Variants in SMG1 observed in about 807,000 individuals in gnomAD.
The protein encoded by SMG1 is serine/threonine-protein kinase SMG1.
A neutral mutation model predicts 419.9 loss-of-function variants in SMG1; 22 were observed. The ratio of observed to expected loss-of-function variants is 0.05; its 90% CI spans 0.04 to 0.07. The LOEUF (loss-of-function observed/expected upper bound fraction) is 0.07, where lower values mean the gene tolerates loss of function less well. SMG1 is among the 10% of genes least tolerant of loss of function. The pLI is 1.00. For missense variants in SMG1, 3,185 were observed against 4,342.0 expected, an observed-to-expected ratio of 0.73 and a Z score of 7.49; for synonymous variants, 1,538 against 1,553.5, an observed-to-expected ratio of 0.99 and a Z score of 0.23.
intron 30 of SMG1, 104 bp from the exon 31 acceptor site, chr16:18,853,971 T>A (rs2034749152): frequency 9.4e-7 from 1 of 1,058,424 alleles, no homozygotes; most frequent in Admixed American, 2.9e-5. Flanking sequence ...GACACCACCA[T>A]GTTGATGGTT....
intron 42 of SMG1, among the ~76,000 whole-genome samples, chr16:18,839,348 C>G (rs1402867628): frequency 6.6e-6 from 1 of 152,070 alleles, no homozygotes; most frequent in African/African-American, 2.4e-5. Flanking sequence ...CCTCCTGCCC[C>G]CCACCCTCAA....
Position 18,834,949 on chromosome 16 carries a change from T to C in SMG1, c.8273A>G (p.Glu2758Gly). Residue 2758 changes from glutamate to glycine, a missense_variant, in exon 49 of 63, where the codon GAA (glutamate) becomes GGA (glycine). Physicochemically the swap from Glu to Gly is moderately conservative, Grantham distance 98 (BLOSUM62 -2). Transcript: ENST00000446231. ...CIKVFLHENG[E>G]EGSLSLASVI... ...ACTTGCTAGACTCAAAGATCCTTCT[T>C]CTCCATTCTCATGAAGGAAAACTTT... 6.2e-7 allele frequency: 1 copy of C among 1,614,022 alleles called. No homozygotes were observed. The highest frequency in any genetic ancestry group is 8.5e-7 in the Non-Finnish European group (1 of 1,179,890).
At chr16:18,901,665 G>GA (rs966530724) in intron 1 of SMG1, among the ~76,000 whole-genome samples, 1 of 152,102 alleles carries the variant, frequency 6.6e-6, no homozygotes, top group Admixed American at 6.5e-5. Flanking sequence ...CTAAACTCTT[G>GA]AAATGTCATA....
intron 51 of SMG1, among the ~76,000 whole-genome samples, chr16:18,832,036 G>C (rs567960582): frequency 6.6e-6 from 1 of 152,112 alleles, no homozygotes; most frequent in Admixed American, 6.5e-5. Context: ...TAAATAACTA[G>C]GGTAGTAAAT....
chr16:18,910,096 G>A (rs563332973), intron 1 of SMG1, among the ~76,000 whole-genome samples: 52 of 150,754 alleles, frequency 3.4e-4, no homozygotes, highest in African/African-American at 1.1e-3. Flanking sequence ...AATAGTACCA[G>A]AATCTTTTTT....
At chr16:18,898,025 T>C (rs2037203895) in intron 1 of SMG1, among the ~76,000 whole-genome samples, 4 of 152,240 alleles carry the variant, frequency 2.6e-5, no homozygotes, top group African/African-American at 7.2e-5. Context: ...TATTCCTCTA[T>C]GCTTTGCCCC....
chr16:18,852,990 ACT>A (rs1405274699), intron 31 of SMG1, among the ~76,000 whole-genome samples: 2 of 152,146 alleles, frequency 1.3e-5, no homozygotes, highest in African/African-American at 2.4e-5. Context: ...GAATATCAAG[ACT>A]CTATCAAAAT....
At chr16:18,813,437 T>C (rs2031670646) in intron 60 of SMG1, among the ~76,000 whole-genome samples, 1 of 152,250 alleles carries the variant, frequency 6.6e-6, no homozygotes, top group Admixed American at 6.5e-5. Flanking sequence ...TGAGCATTTT[T>C]TCATGTGTCT....
rs975562096 is a variant in SMG1, at chr16:18,906,212, G to A, written c.93-9256C>T. Among the ~76,000 whole-genome samples the A allele has an allele frequency of 2.4e-4, 37 of 152,170 alleles. 1 individual carries two copies. The highest frequency in any genetic ancestry group is 8.4e-4 in the African/African-American group (35 of 41,504). Reference sequence around the variant, plus strand: ...AAAAAAAAAGGTACCAGCTGCGCACGGTGGTTCACGCCTGTAATCCCTGCA... The same window carrying A: ...AAAAAAAAAGGTACCAGCTGCGCACAGTGGTTCACGCCTGTAATCCCTGCA... On this transcript the variant is annotated intron_variant, in intron 1 of 62. Transcript: ENST00000446231.
chr16:18,908,598 G>C (rs1434457127), intron 1 of SMG1, among the ~76,000 whole-genome samples: 2 of 152,032 alleles, frequency 1.3e-5, no homozygotes, highest in African/African-American at 4.8e-5. Context: ...GAAATGAATG[G>C]GCCAGGTGTG....
At chr16:18,835,776 G>A (rs770827726) in intron 48 of SMG1, among the ~76,000 whole-genome samples, 157 bp downstream of exon 48, 14 of 152,272 alleles carry the variant, frequency 9.2e-5, no homozygotes, top group Non-Finnish European at 1.6e-4. Flanking sequence ...TGGTGGTGTT[G>A]TAGTCCCAGC....
At chr16:18,897,386 G>T (rs1172038509) in intron 1 of SMG1, among the ~76,000 whole-genome samples, 1 of 152,046 alleles carries the variant, frequency 6.6e-6, no homozygotes, top group African/African-American at 2.4e-5. Flanking sequence ...AGCCTTTCCT[G>T]TCATAAAAAT....
rs2030855600 is a variant in SMG1, at chr16:18,806,572, A to G, written c.*2997T>C. On this transcript the variant is annotated 3_prime_UTR_variant, in exon 63 of 63. Coordinates refer to ENST00000446231, the MANE Select transcript of SMG1 (RefSeq NM_015092.5). ...AACAGTAAAAGAGAAATAACTACAC[A>G]AGCTAAGCTCTGTAGAGAAATCAAC... 1.3e-5 allele frequency: 2 copies of G among 152,244 alleles called. No homozygotes were observed. 9.4% of individuals were successfully genotyped at this position (152,244 alleles called of 1,614,324 possible). A position where few individuals can be genotyped will look rare whatever the true frequency, so the allele number is the denominator to read the frequency against.
At position 18,805,353 on chromosome 16, in the gene SMG1, C is replaced by A. The variant is rs1263529970; in HGVS notation, c.*4216G>T. On this transcript the variant is annotated 3_prime_UTR_variant, in exon 63 of 63. Coordinates refer to ENST00000446231, the MANE Select transcript of SMG1 (RefSeq NM_015092.5). ...GAACATAGAATTCTTCTAAGTTTAC[C>A]ATCTTCAAAAATCTTCTAAATTGTA... The A allele has an allele frequency of 3.3e-5, 5 of 152,202 alleles. No homozygotes were observed. The East Asian group carries it at 7.7e-4, about 23-fold the overall frequency. The allele number at this position is 152,202 out of a possible 1,614,324, so 9.4% of individuals were successfully genotyped here. A position where few individuals can be genotyped will look rare whatever the true frequency, so the allele number is the denominator to read the frequency against.
intron 1 of SMG1, among the ~76,000 whole-genome samples, chr16:18,924,502 T>A (rs2038316200): frequency 6.6e-6 from 1 of 152,212 alleles, no homozygotes; most frequent in Admixed American, 6.5e-5. Flanking sequence ...TACCACCTAA[T>A]TTGTTAGATG....
At position 18,898,922 on chromosome 16, in the gene SMG1, C is replaced by A. The variant is rs1023423682; in HGVS notation, c.93-1966G>T. 3.3e-5 allele frequency among the ~76,000 whole-genome samples: 5 copies of A among 152,250 alleles called. No individual in the cohort carries two copies. The East Asian group carries it at 9.7e-4, about 29-fold the overall frequency. ...ACTGAAAAGTATGTGTGCCTTTGCA[C>A]AAATTACTTGATCTCCAAGCCTTGG... On this transcript the variant is annotated intron_variant, in intron 1 of 62. Transcript: ENST00000446231.
intron 1 of SMG1, among the ~76,000 whole-genome samples, chr16:18,904,538 T>C (rs2037482259): frequency 6.6e-6 from 1 of 151,830 alleles, no homozygotes; most frequent in Non-Finnish European, 1.5e-5. Flanking sequence ...CCTGGGAGGC[T>C]GAGGCAGGGG....
Position 18,852,143 on chromosome 16 carries a change from T to C in SMG1, c.4976A>G (p.Asp1659Gly), listed in dbSNP as rs774991058. The part of the protein sequence containing the change: ...EKSEVQNLLP[D>G]TITEEEKERI... ...CTCTTTCTCTTCCTCAGTTATAGTG[T>C]CTGGAAGTAGATTCTGAACTTCAGA... Residue 1659 changes from aspartate to glycine, a missense_variant, in exon 33 of 63, where the codon GAC (aspartate) becomes GGC (glycine). Around this residue, in one of 27 missense-constraint regions of SMG1, gnomAD observed 493 missense variants for 552.9 expected, o/e 0.89. Coordinates refer to ENST00000446231, the MANE Select transcript of SMG1 (RefSeq NM_015092.5). 1.9e-6 allele frequency: 3 copies of C among 1,613,868 alleles called. No individual in the cohort carries two copies. Among genetic ancestry groups the C allele is most frequent in the Non-Finnish European group, 2.5e-6 (3 of 1,179,852 alleles).
chr16:18,832,481 A>G (rs940096127), intron 51 of SMG1, among the ~76,000 whole-genome samples: 23 of 152,218 alleles, frequency 1.5e-4, no homozygotes, highest in African/African-American at 5.3e-4. Context: ...GGGGTTCTAC[A>G]AGATGGCTTA....
Sources: gnomAD v4.1 joint callset for allele counts (sites outside exome capture counted in the v4.1 genomes callset) on GRCh38, gnomAD v4.1.1 for gene constraint, gnomAD v4.1.1 regional missense constraint, MANE v1.5 for transcripts, NCBI Gene and HGNC (gene_info 2026-07-23, HGNC 2026-07-21) for gene names.